Variants in DTNB observed in about 807,000 individuals in gnomAD.
DTNB encodes dystrobrevin beta.
A neutral mutation model predicts 90.7 loss-of-function variants in DTNB; 63 were observed. The ratio of observed to expected loss-of-function variants is 0.69; its 90% CI spans 0.57 to 0.86. The LOEUF (loss-of-function observed/expected upper bound fraction) is 0.86, where lower values mean the gene tolerates loss of function less well. Among genes scored for constraint, DTNB ranks in the 40% least tolerant of loss-of-function variants. DTNB has a pLI of 0.00. For synonymous variants in DTNB, 277 were observed against 286.7 expected (o/e 0.97, Z 0.34); for missense variants, 744 against 807.1 (o/e 0.92, Z 0.95).
rs55876799 is a variant in DTNB, at chr2:25,583,246, CAAA to C, written c.604-2423_604-2421del. 7.8e-3 allele frequency among the ~76,000 whole-genome samples: 753 copies of C among 97,084 alleles called. 4 individuals carry two copies. Among genetic ancestry groups the C allele is most frequent in the African/African-American group, 0.027 (697 of 26,242 alleles). 63.7% of individuals were successfully genotyped at this position (97,084 alleles called of 152,430 possible). On this transcript the variant is annotated intron_variant, in intron 6 of 20. Coordinates refer to ENST00000406818, the MANE Select transcript of DTNB (RefSeq NM_021907.5). ...TGAGTGATGCAGTGAGATTCCGTCT[CAAA>C]AAAAAAAAAAAAAATATATATATAT...
chr2:25,546,942 C>A (rs906435256), intron 8 of DTNB, among the ~76,000 whole-genome samples: 6 of 151,814 alleles, frequency 4.0e-5, no homozygotes, highest in Non-Finnish European at 7.4e-5. Flanking sequence ...GATCTCTTGG[C>A]CTCAAGTAAT....
chr2:25,600,030 G>C (rs1362693087), intron 5 of DTNB, among the ~76,000 whole-genome samples: 1 of 152,192 alleles, frequency 6.6e-6, no homozygotes, highest in East Asian at 1.9e-4. Context: ...TGCAGAAGTT[G>C]GGGGCTGCAG....
chr2:25,406,555 C>T (rs1036893884), intron 16 of DTNB, among the ~76,000 whole-genome samples: 5 of 150,656 alleles, frequency 3.3e-5, no homozygotes, highest in African/African-American at 4.9e-5. Flanking sequence ...AAAAAAAATT[C>T]GAGACCAGCT....
chr2:25,448,730 TGTA>T (rs2150106853), intron 12 of DTNB, among the ~76,000 whole-genome samples: 1 of 152,034 alleles, frequency 6.6e-6, no homozygotes, highest in African/African-American at 2.4e-5. Flanking sequence ...GGCGGGCACC[TGTA>T]GTCCCAGCTA....
chr2:25,511,250 ATTCAC>A (rs2073883031), intron 9 of DTNB, among the ~76,000 whole-genome samples: 1 of 152,210 alleles, frequency 6.6e-6, no homozygotes, highest in Non-Finnish European at 1.5e-5. Flanking sequence ...ATTTGTATTT[ATTCAC>A]TTCATTTATG....
intron 8 of DTNB, among the ~76,000 whole-genome samples, chr2:25,540,919 TC>T (rs1361942580): frequency 2.6e-5 from 4 of 151,826 alleles, no homozygotes; most frequent in African/African-American, 9.7e-5. Context: ...GGCCTCAGGG[TC>T]CTCTGCCTAG....
chr2:25,537,121 T>C (rs1575516106), intron 8 of DTNB, among the ~76,000 whole-genome samples: 1 of 152,232 alleles, frequency 6.6e-6, no homozygotes, highest in East Asian at 1.9e-4. Context: ...CTTATTCATC[T>C]TTGTATTTGA....
intron 4 of DTNB, among the ~76,000 whole-genome samples, chr2:25,611,711 T>C (rs1406367827): frequency 4.6e-5 from 7 of 152,172 alleles, no homozygotes; most frequent in African/African-American, 1.7e-4. Flanking sequence ...CTGTGGCGCA[T>C]GCCTGTAGTA....
intron 8 of DTNB, among the ~76,000 whole-genome samples, chr2:25,566,057 G>T (rs939479685): frequency 2.0e-5 from 3 of 152,116 alleles, no homozygotes; most frequent in African/African-American, 7.2e-5. Flanking sequence ...GATTACACTG[G>T]GTGGGCCTGG....
At chr2:25,637,512 G>GA (rs1312711285) in intron 3 of DTNB, among the ~76,000 whole-genome samples, 5 of 152,040 alleles carry the variant, frequency 3.3e-5, no homozygotes, top group Non-Finnish European at 5.9e-5. Context: ...AAATTTACAA[G>GA]AAAAAATCAA....
chr2:25,586,500 ACT>A (rs1236861153), intron 6 of DTNB, among the ~76,000 whole-genome samples: 1 of 138,746 alleles, frequency 7.2e-6, no homozygotes, highest in Non-Finnish European at 1.5e-5. Flanking sequence ...ACAGAGCATG[ACT>A]CTGTCTCCAA....
intron 9 of DTNB, among the ~76,000 whole-genome samples, chr2:25,504,798 T>C (rs886337369): frequency 1.3e-5 from 2 of 152,208 alleles, no homozygotes; most frequent in African/African-American, 2.4e-5. Flanking sequence ...CAAATAGATC[T>C]ATTGATTCAG....
At chr2:25,569,754 A>G (rs1314894616) in intron 8 of DTNB, among the ~76,000 whole-genome samples, 2 of 152,158 alleles carry the variant, frequency 1.3e-5, no homozygotes, top group Admixed American at 1.3e-4. Flanking sequence ...TGTGGGGAGG[A>G]AAAGTGAAGT....
intron 1 of DTNB, among the ~76,000 whole-genome samples, chr2:25,667,967 C>T (rs934246495): frequency 2.6e-5 from 4 of 152,160 alleles, no homozygotes; most frequent in Non-Finnish European, 5.9e-5. Flanking sequence ...TGGCCGGACG[C>T]GGTGGCTCAC....
chr2:25,533,990 A>AT (rs34352170), intron 8 of DTNB, among the ~76,000 whole-genome samples: 34 of 147,662 alleles, frequency 2.3e-4, no homozygotes, highest in East Asian at 1.4e-3. Flanking sequence ...TGCAGCGTTT[A>AT]TTTTTTTTTT....
At chr2:25,536,692 AC>A (rs1189040401) in intron 8 of DTNB, among the ~76,000 whole-genome samples, 3 of 152,084 alleles carry the variant, frequency 2.0e-5, no homozygotes, top group Non-Finnish European at 4.4e-5. Flanking sequence ...AGAGAGGGAG[AC>A]GGTAGAAAGA....
chr2:25,386,112 G>A (rs2039401276), intron 18 of DTNB: 1 of 985,570 alleles, frequency 1.0e-6, no homozygotes, highest in African/African-American at 1.7e-5. Flanking sequence ...GAGAAACAGT[G>A]CTAGAATGGA....
intron 7 of DTNB, 133 bp from the exon 8 acceptor site, chr2:25,577,137 G>T: frequency 9.0e-7 from 1 of 1,111,268 alleles, no homozygotes. Flanking sequence ...AAAAACAAAG[G>T]TAAAAATAAA....
At chr2:25,380,438 T>A (rs2037324608) in intron 19 of DTNB, among the ~76,000 whole-genome samples, 1 of 152,224 alleles carries the variant, frequency 6.6e-6, no homozygotes, top group African/African-American at 2.4e-5. Context: ...ACCTATATAA[T>A]GTGGAGAGCC....
Sources: allele counts gnomAD v4.1 joint callset (sites outside exome capture counted in the v4.1 genomes callset), GRCh38; gene constraint gnomAD v4.1.1; transcripts MANE v1.5; gene names NCBI Gene and HGNC (gene_info 2026-07-23, HGNC 2026-07-21).